Variants in FHL1 observed in about 807,000 individuals in gnomAD.
The protein encoded by FHL1 is four and a half LIM domains 1.
FHL1 carries 1 observed loss-of-function variant against 20.3 expected under a neutral mutation model. The ratio of observed to expected loss-of-function variants is 0.05; its 90% CI spans 0.02 to 0.23. The LOEUF is 0.23. Among genes scored for constraint, FHL1 ranks in the 10% least tolerant of loss-of-function variants. The probability of loss-of-function intolerance (pLI) is 1.00; values close to 1 mark genes in which losing one functional copy is unlikely to be tolerated. For synonymous variants in FHL1, 82 were observed against 88.9 expected (o/e 0.92, Z 0.44); for missense variants, 177 against 234.0 (o/e 0.76, Z 1.59).
intron 5 of FHL1, among the ~76,000 whole-genome samples, 164 bp from the exon 6 acceptor site, chrX:136,209,707 G>T: frequency 9.1e-6 from 1 of 110,370 alleles, no homozygotes; most frequent in Non-Finnish European, 1.9e-5. Flanking sequence ...GCACGATGGA[G>T]TGGAGGAGGG....
At chrX:136,200,912 C>T (rs1179983939) in intron 1 of FHL1, among the ~76,000 whole-genome samples, 2 of 111,569 alleles carry the variant, frequency 1.8e-5, no homozygotes, top group Admixed American at 1.9e-4. Context: ...GCCTGTAATG[C>T]CAGCACTTTG....
upstream of FHL1, among the ~76,000 whole-genome samples, chrX:136,193,082 TAAAA>T (rs57788194): frequency 3.1e-5 from 3 of 95,521 alleles, no homozygotes; most frequent in South Asian, 1.5e-3. Flanking sequence ...AAGAGTCATG[TAAAA>T]AAAAAAAAAA....
At position 136,210,274 on chromosome X, in the gene FHL1, G is replaced by T. The variant is rs2073976968; in HGVS notation, c.*249G>T. The stretch of plus-strand genomic sequence containing the variant: ...CTGCAATTTAAAAATGAAAACTTAG[G>T]TAGATTGACTCTTCTGCATGTTTCT... On this transcript the variant is annotated 3_prime_UTR_variant, in exon 6 of 6. Transcript: ENST00000370683. 1 of 479,597 alleles carries T rather than the reference G, an allele frequency of 2.1e-6. No homozygotes were observed. The highest frequency in any genetic ancestry group is 2.7e-5 in the Admixed American group (1 of 36,505). 39.5% of individuals were successfully genotyped at this position (479,597 alleles called of 1,213,427 possible).
chrX:136,207,661 T>G, intron 3 of FHL1, 131 bp from the exon 4 acceptor site: 1 of 676,016 alleles, frequency 1.5e-6, no homozygotes, highest in Non-Finnish European at 2.3e-6. Context: ...GGTAGGTTAG[T>G]TGGAGGTGTG....
intron 5 of FHL1, chrX:136,209,415 T>C: frequency 8.3e-7 from 1 of 1,210,136 alleles, no homozygotes; most frequent in South Asian, 1.8e-5. Context: ...ATAGAAAAAA[T>C]CGAAGCTTAG....
chrX:136,178,946 G>A (rs1257322748), intron 2 of FHL1, among the ~76,000 whole-genome samples: 3 of 110,404 alleles, frequency 2.7e-5, no homozygotes, highest in African/African-American at 9.9e-5. Flanking sequence ...TAGTAGAGAC[G>A]GGGTTTCACC....
chrX:136,185,013 T>G (rs779009119), intron 2 of FHL1, among the ~76,000 whole-genome samples: 4 of 112,123 alleles, frequency 3.6e-5, no homozygotes, highest in African/African-American at 1.3e-4. Context: ...GTGCTTTCCT[T>G]GGGTTACAAC....
At chrX:136,156,679 T>G (rs976029059) in intron 1 of FHL1, among the ~76,000 whole-genome samples, 1 of 112,171 alleles carries the variant, frequency 8.9e-6, no homozygotes, top group African/African-American at 3.2e-5. Flanking sequence ...ATTGGCAAGA[T>G]TGTTTTGACA....
At chrX:136,200,163 G>A (rs905628196) in intron 1 of FHL1, among the ~76,000 whole-genome samples, 4 of 111,749 alleles carry the variant, frequency 3.6e-5, no homozygotes, top group African/African-American at 1.3e-4. Context: ...AGAAAGTCAG[G>A]CTACCCTTTT....
chrX:136,165,810 A>G (rs1320527110), upstream of FHL1, among the ~76,000 whole-genome samples: 1 of 112,294 alleles, frequency 8.9e-6, no homozygotes, highest in Non-Finnish European at 1.9e-5. Context: ...CCATGACCAC[A>G]ATACTTTTGC....
rs112840298 is a variant in FHL1, at chrX:136,159,138, T to TAAA, written c.-100-10758_-100-10756dup. ...AGTTTTTCTGTAAACCTAAAACTGC[T>TAAA]AAAAAAAAAAAAAGTCTACTAATTA... On this transcript the variant is annotated intron_variant, in intron 1 of 7. Transcript: ENST00000394155. 6.8e-3 allele frequency among the ~76,000 whole-genome samples: 633 copies of TAAA among 92,613 alleles called. 2 individuals are homozygous for TAAA. Among genetic ancestry groups the TAAA allele is most frequent in the East Asian group, 0.014 (40 of 2,942 alleles). 80.4% of individuals were successfully genotyped at this position (92,613 alleles called of 115,157 possible).
intron 2 of FHL1, among the ~76,000 whole-genome samples, chrX:136,186,559 T>TA (rs1271327750): frequency 1.8e-5 from 2 of 111,328 alleles, no homozygotes; most frequent in African/African-American, 3.3e-5. Flanking sequence ...ATCCTATCTT[T>TA]AAAAAATGTA....
At position 136,209,849 on chromosome X, in the gene FHL1, TTTTC is replaced by T. The variant is rs2148383206; in HGVS notation, c.737-18_737-15del. On this transcript the variant is annotated intron_variant, in intron 5 of 5. Coordinates refer to ENST00000370683, the MANE Select transcript of FHL1 (RefSeq NM_001159699.2). Reference sequence around the variant, plus strand: ...CAGCTGTTTCTCTTGTTTTCTTTTCTTTTCTTTTTTTTTCCCCCCAGGGTTTGGT... The same window carrying T: ...CAGCTGTTTCTCTTGTTTTCTTTTCTTTTTTTTTTCCCCCCAGGGTTTGGT... 2.5e-6 allele frequency: 3 copies of T among 1,205,087 alleles called. No individual in the cohort carries two copies. The highest frequency in any genetic ancestry group is 5.5e-4 in the Middle Eastern group (2 of 3,629).
At chrX:136,190,862 C>T (rs770794682) in intron 2 of FHL1, among the ~76,000 whole-genome samples, 9 of 111,715 alleles carry the variant, frequency 8.1e-5, no homozygotes, top group African/African-American at 2.9e-4. Flanking sequence ...ATCTCTGGGC[C>T]TCAGCTTTTC....
Position 136,210,053 on chromosome X carries a change from T to G in FHL1, c.*28T>G, listed in dbSNP as rs764263558. The G allele has an allele frequency of 1.7e-6, 2 of 1,211,011 alleles. No individual in the cohort carries two copies. Among genetic ancestry groups the G allele is most frequent in the Middle Eastern group, 2.3e-4 (1 of 4,350 alleles). On this transcript the variant is annotated 3_prime_UTR_variant, in exon 6 of 6. Coordinates refer to ENST00000370683, the MANE Select transcript of FHL1 (RefSeq NM_001159699.2). ...TGACAGGGGCTCCTGTCCTGTAAAA[T>G]GGCATTTGAATCTCGTTCTTTGTGT...
intron 2 of FHL1, among the ~76,000 whole-genome samples, chrX:136,172,501 TC>T (rs2072897937): frequency 8.9e-6 from 1 of 112,176 alleles, no homozygotes; most frequent in South Asian, 3.7e-4. Context: ...CAAGTCCCCA[TC>T]TCTACTCTAT....
chrX:136,191,746 G>A (rs1452758298), intron 2 of FHL1, among the ~76,000 whole-genome samples: 1 of 112,502 alleles, frequency 8.9e-6, no homozygotes, highest in Non-Finnish European at 1.9e-5. Flanking sequence ...GATCAAGGCA[G>A]TTGATCTCAG....
At position 136,210,119 on chromosome X, in the gene FHL1, T is replaced by C. The variant is rs755276895; in HGVS notation, c.*94T>C. 8 of 1,095,863 alleles carry C rather than the reference T, an allele frequency of 7.3e-6. No homozygotes were observed. The South Asian group carries it at 1.5e-4, about 20-fold the overall frequency. 90.3% of individuals were successfully genotyped at this position (1,095,863 alleles called of 1,213,427 possible). ...TATACCATCAATAGGGGAAGAGTGGTCCTTCCCTTCTTTAAAGTTCTCCTT... is the reference window on the plus strand; with the variant it reads ...TATACCATCAATAGGGGAAGAGTGGCCCTTCCCTTCTTTAAAGTTCTCCTT... On this transcript the variant is annotated 3_prime_UTR_variant, in exon 6 of 6. Coordinates refer to ENST00000370683, the MANE Select transcript of FHL1 (RefSeq NM_001159699.2).
chrX:136,153,013 A>G (rs2072311663), intron 1 of FHL1, among the ~76,000 whole-genome samples: 1 of 111,855 alleles, frequency 8.9e-6, no homozygotes, highest in African/African-American at 3.2e-5. Flanking sequence ...CACCTTTCTT[A>G]GGGCTGTCCT....
Sources: allele counts gnomAD v4.1 joint callset (sites outside exome capture counted in the v4.1 genomes callset), GRCh38; gene constraint gnomAD v4.1.1; transcripts MANE v1.5; gene names NCBI Gene and HGNC (gene_info 2026-07-23, HGNC 2026-07-21).